Variants in ATAD1 observed in about 807,000 individuals in gnomAD.
ATAD1 encodes the protein ATPase family AAA domain containing 1, also known as outer mitochondrial transmembrane helix translocase.
In ATAD1, 18 loss-of-function variants were observed where a neutral mutation model predicts 42.7. The ratio of observed to expected loss-of-function variants is 0.42; its 90% CI spans 0.29 to 0.63. The LOEUF (loss-of-function observed/expected upper bound fraction) is 0.63. ATAD1 is among the 20% of genes least tolerant of loss of function. The probability of loss-of-function intolerance (pLI) is 0.19; values close to 1 mark genes in which losing one functional copy is unlikely to be tolerated. For missense variants in ATAD1, 294 were observed against 440.4 expected (o/e 0.67, Z 2.98); for synonymous variants, 132 against 143.1 (o/e 0.92, Z 0.55).
At chr10:87,814,640 A>G in intron 1 of ATAD1, 28 bp from the exon 2 acceptor site, 6 of 1,544,260 alleles carry the variant, frequency 3.9e-6, no homozygotes, top group Non-Finnish European at 5.2e-6. Context: ...AAATGTCACT[A>G]GGTAATAACT....
At chr10:87,836,636 A>T (rs1431544007) in intron 1 of ATAD1, among the ~76,000 whole-genome samples, 3 of 152,042 alleles carry the variant, frequency 2.0e-5, no homozygotes, top group Non-Finnish European at 4.4e-5. Context: ...TAGCAGTTTG[A>T]TTATGATGTG....
chr10:87,819,263 C>CAAAAAAAAAAAAAAAAAAAA (rs57941047), upstream of ATAD1: 5 of 53,716 alleles, frequency 9.3e-5, no homozygotes, highest in African/African-American at 2.9e-4. Context: ...ATCGTCTCTA[C>CAAAAAAAAAAAAAAAAAAAA]AAAAAAAAAA....
chr10:87,814,471 T>A lies in ATAD1; in HGVS notation c.129A>T (p.Pro43=). Residue 43 remains proline, a synonymous_variant, in exon 2 of 10, where the codon CCA becomes CCT. Transcript: ENST00000680024. ...TIKWMVDAID[P]TRKQKVEAQK... ...GAGCTTCTACTTTTTGCTTTCTGGT[T>A]GGATCAATTGCATCTACCATCCATT... is the stretch of plus-strand genomic sequence containing the variant. 4 of 1,602,416 alleles carry A rather than the reference T, an allele frequency of 2.5e-6. No individual in the cohort carries two copies. Among genetic ancestry groups the A allele is most frequent in the Non-Finnish European group, 3.4e-6 (4 of 1,174,760 alleles).
At chr10:87,763,553 G>C (rs1854596804) in intron 8 of ATAD1, among the ~76,000 whole-genome samples, 1 of 152,122 alleles carries the variant, frequency 6.6e-6, no homozygotes, top group Admixed American at 6.5e-5. Flanking sequence ...CATGCCTGCA[G>C]TCCTAACTAC....
intron 1 of ATAD1, among the ~76,000 whole-genome samples, chr10:87,816,297 A>G (rs1857411540): frequency 6.6e-6 from 1 of 152,260 alleles, no homozygotes; most frequent in East Asian, 1.9e-4. Context: ...TGCAACAGTC[A>G]CTTCTGAAGG....
chr10:87,807,074 T>A (rs559522004), intron 2 of ATAD1, among the ~76,000 whole-genome samples: 1 of 152,354 alleles, frequency 6.6e-6, no homozygotes, highest in South Asian at 2.1e-4. Flanking sequence ...GTACTCCTAT[T>A]GGTTGCATGC....
chr10:87,785,970 T>C (rs570580282), intron 4 of ATAD1, among the ~76,000 whole-genome samples: 7 of 152,270 alleles, frequency 4.6e-5, no homozygotes, highest in African/African-American at 1.4e-4. Context: ...TACATGTTAA[T>C]TGTATTTTCA....
intron 6 of ATAD1, among the ~76,000 whole-genome samples, chr10:87,773,442 T>A (rs144265987): frequency 6.6e-6 from 1 of 152,144 alleles, no homozygotes; most frequent in African/African-American, 2.4e-5. Flanking sequence ...TTCATAATCA[T>A]AGAAAAGACA....
At position 87,836,217 on chromosome 10, in the gene ATAD1, CTG is replaced by C. The variant is rs1857926891; in HGVS notation, c.-14+4968_-14+4969del. On this transcript the variant is annotated intron_variant, in intron 1 of 4. Transcript: ENST00000495903. Reference sequence around the variant, plus strand: ...CATAGCCCACTGTAACCTCAAACTCCTGGGCTAAAAGTGATCCTCCCACCTCA... The same window carrying C: ...CATAGCCCACTGTAACCTCAAACTCCGGCTAAAAGTGATCCTCCCACCTCA... Among the ~76,000 whole-genome samples, 6 of 152,102 alleles carry C rather than the reference CTG, an allele frequency of 3.9e-5. No individual in the cohort carries two copies. In the South Asian group the frequency reaches 1.2e-3, roughly 32 times the overall value.
chr10:87,799,845 C>T (rs1262370821), intron 2 of ATAD1, among the ~76,000 whole-genome samples: 1 of 149,824 alleles, frequency 6.7e-6, no homozygotes, highest in Admixed American at 6.6e-5. Context: ...TAATTCAATG[C>T]TTATTTAGGT....
At position 87,838,301 on chromosome 10, in the gene ATAD1, C is replaced by T. The variant is rs148408913; in HGVS notation, c.-14+2886G>A. 4.3e-3 allele frequency among the ~76,000 whole-genome samples: 659 copies of T among 151,920 alleles called. 4 individuals are homozygous for T. The highest frequency in any genetic ancestry group is 0.015 in the African/African-American group (638 of 41,470). ...CAACAGTTTAGAAGGCCGAGGTGGT[C>T]GGATCACCTGAGGTCAGGAGTTCAA... On this transcript the variant is annotated intron_variant, in intron 1 of 4. Coordinates refer to the ATAD1 transcript ENST00000495903.
Position 87,792,697 on chromosome 10 carries a change from A to G in ATAD1, c.221T>C (p.Met74Thr). ...VKNVKLSEYE[M>T]SIAAHLVDPL... Reference sequence around the variant, plus strand: ...GTCTACAAGATGAGCAGCAATACTCATTTCATATTCTGAGAGCTTCACATT... The same window carrying G: ...GTCTACAAGATGAGCAGCAATACTCGTTTCATATTCTGAGAGCTTCACATT... The change falls in exon 3 of 10, where the codon ATG becomes ACG. Residue 74 changes from methionine (M) to threonine (T), a missense_variant. By Grantham distance (81) the Met-to-Thr change is moderately conservative (BLOSUM62 -1). Around this residue, in one of 3 missense-constraint regions of ATAD1, gnomAD observed 121 missense variants for 187.3 expected, o/e 0.65. Coordinates refer to ENST00000680024, the MANE Select transcript of ATAD1 (RefSeq NM_001321967.2). The G allele has an allele frequency of 6.2e-7, 1 of 1,613,874 alleles. No homozygotes were observed. Among genetic ancestry groups the G allele is most frequent in the South Asian group, 1.1e-5 (1 of 91,074 alleles).
At chr10:87,802,101 A>G (rs1245148485) in intron 2 of ATAD1, among the ~76,000 whole-genome samples, 1 of 152,208 alleles carries the variant, frequency 6.6e-6, no homozygotes, top group African/African-American at 2.4e-5. Flanking sequence ...ATTTGTGAGT[A>G]TTCTTAACTT....
At chr10:87,832,343 A>C (rs911432394) in intron 1 of ATAD1, 1 of 151,692 alleles carries the variant, frequency 6.6e-6, no homozygotes, top group Non-Finnish European at 1.5e-5. Flanking sequence ...GCAGTGGGCC[A>C]TAACTGTACC....
At chr10:87,809,690 CTT>C (rs769125470) in intron 2 of ATAD1, among the ~76,000 whole-genome samples, 9 of 151,238 alleles carry the variant, frequency 6.0e-5, no homozygotes, top group South Asian at 2.1e-4. Flanking sequence ...GAGTTTCTCT[CTT>C]GTTGCCCAGG....
chr10:87,761,312 A>G (rs537693504), intron 8 of ATAD1, among the ~76,000 whole-genome samples: 46 of 152,334 alleles, frequency 3.0e-4, no homozygotes, highest in African/African-American at 1.1e-3. Context: ...ATTTTGCAAC[A>G]TAAAACTGAT....
At chr10:87,814,742 A>G in intron 1 of ATAD1, 130 bp from the exon 2 acceptor site, 3 of 657,470 alleles carry the variant, frequency 4.6e-6, no homozygotes, top group Non-Finnish European at 6.5e-6. Flanking sequence ...CTACCTTAAA[A>G]AAAGTGTTTC....
At position 87,783,371 on chromosome 10, in the gene ATAD1, T is replaced by TA. The variant is rs764505966; in HGVS notation, c.583+1098dup. 2.0e-3 allele frequency among the ~76,000 whole-genome samples: 296 copies of TA among 144,904 alleles called. 2 individuals are homozygous for TA. Among genetic ancestry groups the TA allele is most frequent in the Admixed American group, 0.011 (160 of 14,558 alleles). ...TGGGTAACAGAGTGAGATGCTGTCTTAAAAAAAAACAAAAACAAAATAAAC... is the reference window on the plus strand; with the variant it reads ...TGGGTAACAGAGTGAGATGCTGTCTTAAAAAAAAAACAAAAACAAAATAAAC... On this transcript the variant is annotated intron_variant, in intron 5 of 9. Coordinates refer to ENST00000680024, the MANE Select transcript of ATAD1 (RefSeq NM_001321967.2).
Position 87,817,984 on chromosome 10 carries a change from T to G in ATAD1, c.-14+183A>C, listed in dbSNP as rs530839923. 3 of 985,638 alleles carry G rather than the reference T, an allele frequency of 3.0e-6. No homozygotes were observed. In the South Asian group the frequency reaches 1.4e-4, roughly 46 times the overall value. 61.1% of individuals were successfully genotyped at this position (985,638 alleles called of 1,614,324 possible). ...CGCCAAGGCGAGGCCCGGGACGCCCTTGGAGGTTAATCCTCTAGATACTAA... is the reference window on the plus strand; with the variant it reads ...CGCCAAGGCGAGGCCCGGGACGCCCGTGGAGGTTAATCCTCTAGATACTAA... On this transcript the variant is annotated intron_variant, in intron 1 of 9. Transcript: ENST00000680024.
Sources: gnomAD v4.1 joint callset for allele counts (sites outside exome capture counted in the v4.1 genomes callset) on GRCh38, gnomAD v4.1.1 for gene constraint, gnomAD v4.1.1 regional missense constraint, MANE v1.5 for transcripts, NCBI Gene and HGNC (gene_info 2026-07-23, HGNC 2026-07-21) for gene names.